Variants in EPB41 observed in about 807,000 individuals in gnomAD.
The protein encoded by EPB41 is erythrocyte membrane protein band 4.1, also known as protein 4.1.
In EPB41, 65 loss-of-function variants were observed where a neutral mutation model predicts 108.0. The ratio of observed to expected loss-of-function variants is 0.60; its 90% CI spans 0.49 to 0.74. The LOEUF (loss-of-function observed/expected upper bound fraction) is 0.74, where lower values mean the gene tolerates loss of function less well. EPB41 is among the 30% of genes least tolerant of loss of function. EPB41 has a pLI of 0.00. For missense variants in EPB41, 875 were observed against 1,037.0 expected (o/e 0.84, Z 2.15); for synonymous variants, 336 against 358.9 (o/e 0.94, Z 0.72).
intron 1 of EPB41, among the ~76,000 whole-genome samples, chr1:28,942,395 C>T (rs922598234): frequency 6.6e-6 from 1 of 152,220 alleles, no homozygotes; most frequent in African/African-American, 2.4e-5. Flanking sequence ...TCCCACAACC[C>T]CCTCTTTGGG....
At chr1:28,940,960 C>T (rs1010021028) in intron 1 of EPB41, among the ~76,000 whole-genome samples, 7 of 151,908 alleles carry the variant, frequency 4.6e-5, no homozygotes, top group Non-Finnish European at 8.8e-5. Flanking sequence ...CTATTTATTA[C>T]CTTGAGGTAT....
chr1:29,011,772 C>T, intron 4 of EPB41, 93 bp from the exon 5 acceptor site: 1 of 1,306,926 alleles, frequency 7.7e-7, no homozygotes. Context: ...GATCTGGAGG[C>T]ACTATTTGAA....
chr1:29,036,323 G>A lies in EPB41; in HGVS notation c.1463+400G>A, dbSNP rs377215213. On this transcript the variant is annotated intron_variant, in intron 10 of 20. Transcript: ENST00000343067. Reference sequence around the variant, plus strand: ...TGCCCAGGCTGGAGTGCCGTGGCGCGATCTCGGCTCACTGCAACCTCCGCC... The same window carrying A: ...TGCCCAGGCTGGAGTGCCGTGGCGCAATCTCGGCTCACTGCAACCTCCGCC... 4.4e-3 allele frequency among the ~76,000 whole-genome samples: 635 copies of A among 145,386 alleles called. 4 individuals carry two copies. Among genetic ancestry groups the A allele is most frequent in the African/African-American group, 0.016 (609 of 39,230 alleles).
chr1:29,064,965 T>G lies in EPB41; in HGVS notation c.2008-17T>G. On this transcript the variant is annotated splice_polypyrimidine_tract_variant and intron_variant, in intron 15 of 20. Transcript: ENST00000343067. ...CTGATTGTGTATTGTTTTGCATCTT[T>G]GTCCTTTCAACTGTAGGATTTAGAC... 1 of 1,613,780 alleles carries G rather than the reference T, an allele frequency of 6.2e-7. No individual in the cohort carries two copies. The highest frequency in any genetic ancestry group is 8.5e-7 in the Non-Finnish European group (1 of 1,179,970).
At chr1:28,889,695 T>C (rs2089887127) in intron 1 of EPB41, 1 of 502,336 alleles carries the variant, frequency 2.0e-6, no homozygotes, top group Non-Finnish European at 2.6e-6. Context: ...GGCTGCAGGG[T>C]GAGACAGAGG....
chr1:29,064,021 C>T (rs1646943860), intron 15 of EPB41, among the ~76,000 whole-genome samples: 1 of 151,992 alleles, frequency 6.6e-6, no homozygotes, highest in Non-Finnish European at 1.5e-5. Context: ...CTTGCCTGTA[C>T]CTCAGGTTGC....
intron 4 of EPB41, among the ~76,000 whole-genome samples, chr1:29,001,640 A>G (rs938304636): frequency 6.6e-6 from 1 of 152,164 alleles, no homozygotes; most frequent in Non-Finnish European, 1.5e-5. Context: ...TAGGCTTGAA[A>G]TTATTTGCCT....
chr1:29,052,811 A>C (rs1189000262), intron 11 of EPB41, among the ~76,000 whole-genome samples: 1 of 152,194 alleles, frequency 6.6e-6, no homozygotes, highest in Non-Finnish European at 1.5e-5. Context: ...ATTACGAGAT[A>C]AATGGATTTT....
At chr1:28,891,411 AC>A (rs1255218148) in intron 1 of EPB41, among the ~76,000 whole-genome samples, 21 of 152,160 alleles carry the variant, frequency 1.4e-4, no homozygotes, top group Non-Finnish European at 2.9e-5. Flanking sequence ...TTCAGCCAGT[AC>A]CCCAGAGACT....
In EPB41 at chr1:28,900,487, C is replaced by T. The variant is rs1437046725; in HGVS notation, c.-8+13277C>T. On this transcript the variant is annotated intron_variant, in intron 1 of 16. Transcript: ENST00000347529. Reference sequence around the variant, plus strand: ...ATTTTTAGTAGAGATGGGGTTTCACCATGTTGGCCAGGCTGGTCTTGAACT... The same window carrying T: ...ATTTTTAGTAGAGATGGGGTTTCACTATGTTGGCCAGGCTGGTCTTGAACT... Among the ~76,000 whole-genome samples the T allele has an allele frequency of 2.0e-5, 3 of 151,944 alleles. No homozygotes were observed. The East Asian group carries it at 5.8e-4, about 29-fold the overall frequency.
chr1:28,888,355 C>T (rs1316528978), intron 1 of EPB41, among the ~76,000 whole-genome samples: 1 of 152,202 alleles, frequency 6.6e-6, no homozygotes, highest in Non-Finnish European at 1.5e-5. Flanking sequence ...GCACGCGCCC[C>T]GGAGCTTCAG....
At chr1:28,909,349 T>C (rs1240188126) in intron 1 of EPB41, among the ~76,000 whole-genome samples, 6 of 152,084 alleles carry the variant, frequency 3.9e-5, no homozygotes, top group Admixed American at 3.9e-4. Flanking sequence ...GTGCTTGTAA[T>C]CCCAGCTACT....
At chr1:29,058,741 A>G in intron 13 of EPB41, 70 bp from the exon 14 acceptor site, 1 of 1,532,666 alleles carries the variant, frequency 6.5e-7, no homozygotes, top group South Asian at 1.2e-5. Flanking sequence ...TTATAAAATG[A>G]AGGTTCAAAC....
chr1:29,052,961 T>G (rs1454344880), intron 11 of EPB41, 143 bp from the exon 12 acceptor site: 2 of 909,540 alleles, frequency 2.2e-6, no homozygotes, highest in Non-Finnish European at 3.5e-6. Flanking sequence ...TAATGATTTA[T>G]TTTTTACCCT....
intron 1 of EPB41, among the ~76,000 whole-genome samples, chr1:28,929,482 G>A (rs1207404185): frequency 3.3e-5 from 5 of 151,678 alleles, no homozygotes; most frequent in South Asian, 4.2e-4. Context: ...CGCCCGCCTC[G>A]GCCTCCCAAA....
At chr1:29,087,268 A>G (rs1477957728) in intron 16 of EPB41, among the ~76,000 whole-genome samples, 1 of 152,036 alleles carries the variant, frequency 6.6e-6, no homozygotes, top group Non-Finnish European at 1.5e-5. Context: ...TAGTCTCTTC[A>G]AATATGTAAA....
intron 1 of EPB41, chr1:28,985,934 C>T (rs1036826370): frequency 3.0e-4 from 45 of 150,524 alleles, no homozygotes; most frequent in Admixed American, 1.6e-3. Context: ...CACCCACTAA[C>T]GTGTCATCTA....
At chr1:29,019,931 G>A (rs2096623413) in intron 7 of EPB41, among the ~76,000 whole-genome samples, 1 of 152,158 alleles carries the variant, frequency 6.6e-6, no homozygotes, top group Non-Finnish European at 1.5e-5. Context: ...TTTCCAAAGA[G>A]AACTGCACGT....
At chr1:29,083,935 G>GT (rs1160247259) in intron 16 of EPB41, among the ~76,000 whole-genome samples, 1 of 152,160 alleles carries the variant, frequency 6.6e-6, no homozygotes, top group African/African-American at 2.4e-5. Flanking sequence ...CCATCTGGGG[G>GT]TATTACTTAA....
Sources: gnomAD v4.1 joint callset for allele counts (sites outside exome capture counted in the v4.1 genomes callset) on GRCh38, gnomAD v4.1.1 for gene constraint, MANE v1.5 for transcripts, NCBI Gene and HGNC (gene_info 2026-07-23, HGNC 2026-07-21) for gene names.